PLCD1: variants seen among roughly 807,000 people sequenced by gnomAD.
PLCD1 encodes phospholipase C delta 1.
In PLCD1, 71 loss-of-function variants were observed where a neutral mutation model predicts 87.4. That is an observed-to-expected ratio of 0.81 (90% confidence interval 0.67 to 0.99). The LOEUF (loss-of-function observed/expected upper bound fraction) is 0.99. Ranked by LOEUF, PLCD1 falls within the 50% of genes least tolerant of loss-of-function variation. The pLI is 0.00. For missense variants in PLCD1, 867 were observed against 1,001.5 expected (o/e 0.87, Z 1.81); for synonymous variants, 348 against 399.2 (o/e 0.87, Z 1.53).
chr3:38,019,927 C>T (rs917846559), intron 2 of PLCD1, among the ~76,000 whole-genome samples: 2 of 152,154 alleles, frequency 1.3e-5, no homozygotes, highest in Admixed American at 6.5e-5. Flanking sequence ...TCTCCATCTG[C>T]GGTCCTCGTT....
chr3:38,009,367 A>G lies in PLCD1; in HGVS notation c.1511T>C (p.Phe504Ser), dbSNP rs1382667637. ...DMVIYCKSVHFGGFSSPGTPG... is the reference protein window; with the variant it reads ...DMVIYCKSVHSGGFSSPGTPG... Reference sequence around the variant, plus strand: ...GGTGCCAGGACTGGAGAAGCCCCCAAAGTGGACACTCTTGCAGTAAATGAC... The same window carrying G: ...GGTGCCAGGACTGGAGAAGCCCCCAGAGTGGACACTCTTGCAGTAAATGAC... Residue 504 changes from phenylalanine (F) to serine (S), a missense_variant, in exon 10 of 15, where the codon TTT (phenylalanine) becomes TCT (serine). Phe to Ser is a radical substitution (Grantham distance 155). Transcript: ENST00000334661. 13 of 1,613,988 alleles carry G rather than the reference A, an allele frequency of 8.1e-6. No individual in the cohort carries two copies. The highest frequency in any genetic ancestry group is 3.3e-5 in the Admixed American group (2 of 60,012).
intron 1 of PLCD1, among the ~76,000 whole-genome samples, chr3:38,023,097 G>T (rs1355383610): frequency 6.6e-6 from 1 of 152,080 alleles, no homozygotes; most frequent in East Asian, 1.9e-4. Context: ...GGCATACAGG[G>T]TGTTGCAGGT....
At chr3:38,016,857 C>T (rs568261156) in intron 2 of PLCD1, 138 bp from the exon 3 acceptor site, 1 of 720,236 alleles carries the variant, frequency 1.4e-6, no homozygotes, top group Non-Finnish European at 2.5e-6. Context: ...GGCCTTGAGT[C>T]CAGAAGGAAA....
At chr3:38,013,649 T>C (rs758988280) in intron 3 of PLCD1, among the ~76,000 whole-genome samples, 19 of 152,216 alleles carry the variant, frequency 1.2e-4, no homozygotes, top group Non-Finnish European at 2.1e-4. Context: ...TTAATGACTG[T>C]ATAATGTTCC....
rs1311778557 is a variant in PLCD1, at chr3:38,009,498, G to C, written c.1447-67C>G. The C allele has an allele frequency of 1.8e-5, 29 of 1,590,210 alleles. 1 individual carries two copies. The highest frequency in any genetic ancestry group is 2.0e-5 in the Non-Finnish European group (23 of 1,158,800). On this transcript the variant is annotated intron_variant, in intron 9 of 14. Coordinates refer to ENST00000334661, the MANE Select transcript of PLCD1 (RefSeq NM_006225.4). ...GGTAGGGTAGGCACTGAGAAAGCCA[G>C]AAACCCAGGCGCAGAGAGACAGAGG...
rs573927090 is a variant in PLCD1 at position 38,007,577 on chromosome 3, G to A, written c.*196C>T. On this transcript the variant is annotated 3_prime_UTR_variant, in exon 15 of 15. Coordinates refer to ENST00000334661, the MANE Select transcript of PLCD1 (RefSeq NM_006225.4). Reference sequence around the variant, plus strand: ...AGAGGGCTGCAGTGTTATTCCTAACGGAATGAAGGACAGCTCCAGGGACTG... The same window carrying A: ...AGAGGGCTGCAGTGTTATTCCTAACAGAATGAAGGACAGCTCCAGGGACTG... 1.6e-5 allele frequency: 11 copies of A among 699,238 alleles called. No individual in the cohort carries two copies. Among genetic ancestry groups the A allele is most frequent in the Non-Finnish European group, 2.6e-5 (10 of 383,678 alleles). The allele number at this position is 699,238 out of a possible 1,614,324, so 43.3% of individuals were successfully genotyped here. A position where few individuals can be genotyped will look rare whatever the true frequency, so the allele number is the denominator to read the frequency against.
At chr3:38,023,774 C>T (rs931108153) in intron 1 of PLCD1, among the ~76,000 whole-genome samples, 6 of 151,756 alleles carry the variant, frequency 4.0e-5, no homozygotes, top group Non-Finnish European at 7.4e-5. Flanking sequence ...ACAGATCACA[C>T]GCTGTCACAC....
chr3:38,007,894 A>C (rs758775779), intron 14 of PLCD1, 36 bp from the exon 15 acceptor site: 1 of 1,608,846 alleles, frequency 6.2e-7, no homozygotes, highest in Non-Finnish European at 8.5e-7. Context: ...ACACAGAGAG[A>C]GTTCTGGTCA....
At position 38,018,551 on chromosome 3, in the gene PLCD1, G is replaced by A. The variant is rs1225542385; in HGVS notation, c.199+1637C>T. On this transcript the variant is annotated intron_variant, in intron 2 of 14. Transcript: ENST00000334661. This position sits in a 1 kb window ranked among gnomAD's most constrained non-coding sequence, Gnocchi z 5.7. ...TCTCGCCAGCTCAAATGTGGTTCCT[G>A]CGGGGAAAGGCCTGGGTCTTCCACT... Among the ~76,000 whole-genome samples, 1 of 152,144 alleles carries A rather than the reference G, an allele frequency of 6.6e-6. No homozygotes were observed. The highest frequency in any genetic ancestry group is 1.5e-5 in the Non-Finnish European group (1 of 68,034).
At chr3:38,008,817 T>C (rs1378349027) in intron 11 of PLCD1, 181 bp from the exon 12 acceptor site, 1 of 677,410 alleles carries the variant, frequency 1.5e-6, no homozygotes, top group Non-Finnish European at 2.6e-6. Context: ...CACCTTCCAT[T>C]CCTGGTGTGA....
intron 1 of PLCD1, among the ~76,000 whole-genome samples, chr3:38,024,979 A>G (rs1310754056): frequency 6.6e-6 from 1 of 152,094 alleles, no homozygotes; most frequent in Non-Finnish European, 1.5e-5. Flanking sequence ...CAAATCCATA[A>G]CCCAGGAAGC....
rs773243069 is a variant in PLCD1 at position 38,020,155 on chromosome 3, C to G, written c.199+33G>C. 8 of 1,599,206 alleles carry G rather than the reference C, an allele frequency of 5.0e-6. No homozygotes were observed. The Admixed American group carries it at 1.3e-4, about 27-fold the overall frequency. ...CCCAGCCCTGAGCAGATTCCACACT[C>G]TATCCCCTCCCCTGTGACCCCAGGG... On this transcript the variant is annotated intron_variant, in intron 2 of 14. Transcript: ENST00000334661.
chr3:38,022,988 C>T (rs1186664489), intron 1 of PLCD1, among the ~76,000 whole-genome samples: 1 of 152,068 alleles, frequency 6.6e-6, no homozygotes, highest in Non-Finnish European at 1.5e-5. Context: ...AGCTTCTCCT[C>T]CTGTGGGAGG....
rs759712830 is a variant in PLCD1, at chr3:38,010,534, G to C, written c.819C>G (p.Asp273Glu). The C allele has an allele frequency of 4.3e-6, 7 of 1,613,858 alleles. No individual in the cohort carries two copies. Among genetic ancestry groups the C allele is most frequent in the Non-Finnish European group, 5.9e-6 (7 of 1,179,934 alleles). ...TAKAQRQMTK[D>E]GFLMYLLSAD... ...CCGACAGTAAGTACATGAGGAAGCCGTCCTTGGTCATCTGCCGCTGCGCCT... is the reference window on the plus strand; with the variant it reads ...CCGACAGTAAGTACATGAGGAAGCCCTCCTTGGTCATCTGCCGCTGCGCCT... Residue 273 changes from aspartate (D) to glutamate (E), a missense_variant, in exon 6 of 15, where the codon GAC (aspartate) becomes GAG (glutamate). Coordinates refer to ENST00000334661, the MANE Select transcript of PLCD1 (RefSeq NM_006225.4).
chr3:38,012,168 C>T (rs1700090588), intron 3 of PLCD1, among the ~76,000 whole-genome samples: 2 of 149,552 alleles, frequency 1.3e-5, no homozygotes, highest in South Asian at 4.2e-4. Context: ...ACCACCACGC[C>T]TGGCTTTTTT....
Position 38,010,203 on chromosome 3 carries a change from G to A in PLCD1, c.1065C>T (p.Tyr355=). 1 of 1,614,222 alleles carries A rather than the reference G, an allele frequency of 6.2e-7. No homozygotes were observed. Among genetic ancestry groups the A allele is most frequent in the Non-Finnish European group, 8.5e-7 (1 of 1,180,026 alleles). The change falls in exon 7 of 15, where the codon TAC becomes TAT. Residue 355 remains tyrosine (Y), a synonymous_variant. Transcript: ENST00000334661. ...TCTTGGAAGTGAAAGTATAGCCGTG[G>A]TAGATGATTGGTTCCTGGTTGGGCC... ...WDGPNQEPII[Y]HGYTFTSKIL...
intron 1 of PLCD1, among the ~76,000 whole-genome samples, chr3:38,027,532 A>G (rs1015921428): frequency 1.3e-5 from 2 of 152,254 alleles, no homozygotes; most frequent in Non-Finnish European, 2.9e-5. Flanking sequence ...CCAGTAAACT[A>G]CATTACTTCT....
At chr3:38,027,449 G>A (rs970835996) in intron 1 of PLCD1, among the ~76,000 whole-genome samples, 3 of 152,236 alleles carry the variant, frequency 2.0e-5, no homozygotes, top group African/African-American at 7.2e-5. Flanking sequence ...CTGACACACA[G>A]GGAAGTCAAG....
chr3:38,029,469 C>T, intron 1 of PLCD1, 37 bp downstream of exon 1: 1 of 1,533,392 alleles, frequency 6.5e-7, no homozygotes, highest in African/African-American at 1.4e-5. Context: ...GGGTCCACCC[C>T]TGCAGGGTCT....
Sources: allele counts gnomAD v4.1 joint callset (sites outside exome capture counted in the v4.1 genomes callset), GRCh38; gene constraint gnomAD v4.1.1; non-coding constraint Gnocchi (gnomAD v3.1); transcripts MANE v1.5; gene names NCBI Gene and HGNC (gene_info 2026-07-23, HGNC 2026-07-21).